The following RGS22 variants were observed in gnomAD, a reference collection of about 807,000 sequenced individuals.
RGS22 encodes regulator of G protein signaling 22.
RGS22 carries 148 observed loss-of-function variants against 172.9 expected under a neutral mutation model. The observed-to-expected ratio is 0.86, with a 90% confidence interval of 0.75 to 0.98. The LOEUF (loss-of-function observed/expected upper bound fraction) is 0.98, where lower values mean the gene tolerates loss of function less well. Ranked by LOEUF, RGS22 falls within the 50% of genes least tolerant of loss-of-function variation. The pLI, the probability that RGS22 is intolerant of heterozygous loss-of-function variation, is 0.00. For synonymous variants in RGS22, 458 were observed against 480.2 expected, an observed-to-expected ratio of 0.95 and a Z score of 0.60; for missense variants, 1,347 against 1,440.8, an observed-to-expected ratio of 0.93 and a Z score of 1.05.
At chr8:99,965,549 A>C (rs1588861234) in intron 23 of RGS22, 119 bp from the exon 24 acceptor site, 2 of 650,208 alleles carry the variant, frequency 3.1e-6, no homozygotes, top group Non-Finnish European at 5.1e-6. Context: ...TGCTGCACTT[A>C]AGGTTTCATC....
intron 16 of RGS22, chr8:100,004,715 A>G (rs2131347084): frequency 1.3e-5 from 2 of 151,560 alleles, no homozygotes; most frequent in African/African-American, 4.8e-5. Context: ...TTTCTTAACA[A>G]TGTATCATAA....
At chr8:100,004,946 G>A (rs2131348499) in intron 16 of RGS22, among the ~76,000 whole-genome samples, 1 of 151,950 alleles carries the variant, frequency 6.6e-6, no homozygotes, top group East Asian at 1.9e-4. Context: ...TCTTTGTAAG[G>A]CCCTTCCTTA....
chr8:100,013,160 T>A (rs939146987), intron 14 of RGS22, among the ~76,000 whole-genome samples: 1 of 151,976 alleles, frequency 6.6e-6, no homozygotes, highest in African/African-American at 2.4e-5. Flanking sequence ...CAGCTAATTT[T>A]TTGTATTTTT....
At chr8:99,985,217 T>C (rs1435119917) in intron 21 of RGS22, among the ~76,000 whole-genome samples, 2 of 152,218 alleles carry the variant, frequency 1.3e-5, no homozygotes, top group Non-Finnish European at 2.9e-5. Context: ...GTTTCATCTG[T>C]GAAGTGATGA....
intron 20 of RGS22, among the ~76,000 whole-genome samples, chr8:99,989,893 TAGATAGATAGATATAG>T (rs1479509334): frequency 1.3e-5 from 2 of 151,306 alleles, no homozygotes; most frequent in African/African-American, 4.9e-5. Context: ...GATAGATAGA[TAGATAGATAGATATAG>T]ATAGATAGAT....
At chr8:100,092,844 A>C (rs1170221869) in intron 3 of RGS22, among the ~76,000 whole-genome samples, 2 of 152,222 alleles carry the variant, frequency 1.3e-5, no homozygotes, top group Non-Finnish European at 2.9e-5. Context: ...TCTATGTTAC[A>C]CCAATGACAG....
chr8:100,100,307 T>G (rs1395912598), intron 2 of RGS22, among the ~76,000 whole-genome samples: 1 of 151,474 alleles, frequency 6.6e-6, no homozygotes, highest in Non-Finnish European at 1.5e-5. Context: ...TTTTTTTTTT[T>G]GAGACGTAGT....
intron 22 of RGS22, among the ~76,000 whole-genome samples, chr8:99,979,814 T>A (rs1282649502): frequency 1.3e-5 from 2 of 152,194 alleles, no homozygotes; most frequent in African/African-American, 4.8e-5. Context: ...ATAAGAACCA[T>A]TCCCTGCCCT....
At chr8:100,005,238 C>T (rs1050469372) in intron 16 of RGS22, among the ~76,000 whole-genome samples, 3 of 151,928 alleles carry the variant, frequency 2.0e-5, no homozygotes, top group African/African-American at 7.3e-5. Context: ...AAAAAAATCA[C>T]CTGAAACCTT....
chr8:100,028,468 A>G (rs1166984484), intron 14 of RGS22, among the ~76,000 whole-genome samples: 1 of 151,782 alleles, frequency 6.6e-6, no homozygotes, highest in Admixed American at 6.6e-5. Context: ...AAAAAAAAAA[A>G]AAAGGAAAAA....
At chr8:99,989,126 C>G (rs1813415504) in intron 20 of RGS22, among the ~76,000 whole-genome samples, 1 of 151,918 alleles carries the variant, frequency 6.6e-6, no homozygotes, top group East Asian at 1.9e-4. Flanking sequence ...TCTTTCTTTT[C>G]AAGAGGAAAA....
rs57652456 is a variant in RGS22, at chr8:100,073,434, A to C, written c.340-1204T>G. ...CTAATCAGCAAAAAACAAAACAAAA[A>C]AAAAAAACAAAAAAAACATGTATTT... On this transcript the variant is annotated intron_variant, in intron 4 of 27. Transcript: ENST00000360863. Among the ~76,000 whole-genome samples, 362 of 149,258 alleles carry C rather than the reference A, an allele frequency of 2.4e-3. 3 individuals carry two copies. The highest frequency in any genetic ancestry group is 4.8e-3 in the Admixed American group (71 of 14,686).
intron 11 of RGS22, among the ~76,000 whole-genome samples, chr8:100,043,830 T>C (rs1243500023): frequency 1.3e-5 from 2 of 151,940 alleles, no homozygotes; most frequent in Admixed American, 1.3e-4. Context: ...CAAAAATCTT[T>C]AGCTAGACTA....
chr8:99,980,322 G>T (rs1377269533), intron 22 of RGS22, among the ~76,000 whole-genome samples: 1 of 152,188 alleles, frequency 6.6e-6, no homozygotes, highest in African/African-American at 2.4e-5. Context: ...GGATGGTTTG[G>T]AGAGAACCCA....
intron 3 of RGS22, among the ~76,000 whole-genome samples, chr8:100,087,740 T>C (rs1477751264): frequency 6.6e-6 from 1 of 152,164 alleles, no homozygotes; most frequent in Non-Finnish European, 1.5e-5. Flanking sequence ...ATCTGACTAC[T>C]TGAATGTAAC....
At chr8:100,052,781 C>T in intron 10 of RGS22, 21 bp downstream of exon 10, 1 of 1,607,564 alleles carries the variant, frequency 6.2e-7, no homozygotes, top group Non-Finnish European at 8.5e-7. Flanking sequence ...GTAGAGATCA[C>T]AGCATGAATG....
At chr8:99,980,423 C>G (rs899538195) in intron 22 of RGS22, among the ~76,000 whole-genome samples, 1 of 151,818 alleles carries the variant, frequency 6.6e-6, no homozygotes, top group African/African-American at 2.4e-5. Flanking sequence ...TGACAGATAA[C>G]GAGGAGACAA....
At chr8:100,047,160 C>T (rs759945571) in intron 11 of RGS22, among the ~76,000 whole-genome samples, 16 of 152,116 alleles carry the variant, frequency 1.1e-4, no homozygotes, top group Non-Finnish European at 1.6e-4. Context: ...TATAAGTTCT[C>T]AAATTTGAGA....
chr8:100,088,593 G>A (rs749583945), intron 3 of RGS22, among the ~76,000 whole-genome samples: 7 of 152,156 alleles, frequency 4.6e-5, no homozygotes, highest in Non-Finnish European at 1.0e-4. Context: ...ATGAAGTTAT[G>A]AAAGCTAGGA....
Sources: gnomAD v4.1 joint callset for allele counts (sites outside exome capture counted in the v4.1 genomes callset) on GRCh38, gnomAD v4.1.1 for gene constraint, MANE v1.5 for transcripts, NCBI Gene and HGNC (gene_info 2026-07-23, HGNC 2026-07-21) for gene names.